Variants in GRID1 observed in about 807,000 individuals in gnomAD.
GRID1 encodes glutamate ionotropic receptor delta type subunit 1.
In GRID1, 28 loss-of-function variants were observed where a neutral mutation model predicts 98.0. That is an observed-to-expected ratio of 0.29 (90% CI 0.21 to 0.39). The LOEUF is 0.39. Ranked by LOEUF, GRID1 falls within the 10% of genes least tolerant of loss-of-function variation. The pLI, the probability that GRID1 is intolerant of heterozygous loss-of-function variation, is 1.00. For synonymous variants in GRID1, 553 were observed against 538.5 expected (o/e 1.03, Z -0.37); for missense variants, 1,111 against 1,340.5 (o/e 0.83, Z 2.67).
chr10:85,822,038 A>G (rs1842777657), intron 8 of GRID1, among the ~76,000 whole-genome samples: 1 of 152,230 alleles, frequency 6.6e-6, no homozygotes, highest in Non-Finnish European at 1.5e-5. Context: ...AAATTAATTC[A>G]AGATGGATCA....
intron 5 of GRID1, among the ~76,000 whole-genome samples, chr10:85,871,714 C>A: frequency 6.6e-6 from 1 of 152,106 alleles, no homozygotes; most frequent in East Asian, 1.9e-4. Context: ...AGATGGTAAA[C>A]AATGTATTTC....
At chr10:85,929,200 TG>T (rs1440025267) in intron 4 of GRID1, among the ~76,000 whole-genome samples, 1 of 152,174 alleles carries the variant, frequency 6.6e-6, no homozygotes, top group Non-Finnish European at 1.5e-5. Flanking sequence ...GAGTCTTTGG[TG>T]TGTGGAGATG....
At chr10:85,716,619 G>A (rs921715942) in intron 12 of GRID1, among the ~76,000 whole-genome samples, 75 of 147,062 alleles carry the variant, frequency 5.1e-4, no homozygotes, top group Admixed American at 3.4e-4. Context: ...CATATATAAC[G>A]TATATAAATG....
chr10:86,144,388 C>G (rs1845054964), intron 3 of GRID1, among the ~76,000 whole-genome samples: 1 of 152,130 alleles, frequency 6.6e-6, no homozygotes, highest in South Asian at 2.1e-4. Context: ...CGCCCCATGA[C>G]AAGGCTGGAC....
At chr10:85,908,410 T>A (rs776277850) in intron 5 of GRID1, among the ~76,000 whole-genome samples, 1 of 152,194 alleles carries the variant, frequency 6.6e-6, no homozygotes, top group Non-Finnish European at 1.5e-5. Context: ...CAACTGGAAA[T>A]TAAAATTTGT....
rs539723502 is a variant in GRID1, at chr10:85,980,514, G to C, written c.727-64275C>G. Among the ~76,000 whole-genome samples, 9 of 152,314 alleles carry C rather than the reference G, an allele frequency of 5.9e-5. No homozygotes were observed. In the South Asian group the frequency reaches 1.9e-3, roughly 32 times the overall value. ...CTGAGCTCTCAACCGCAAATTTCTG[G>C]TTCCCCAAGCTGGGGCTGGGACAGA... On this transcript the variant is annotated intron_variant, in intron 4 of 15. Transcript: ENST00000327946.
chr10:85,684,853 A>G (rs1243135330), intron 12 of GRID1, among the ~76,000 whole-genome samples: 1 of 152,210 alleles, frequency 6.6e-6, no homozygotes, highest in East Asian at 1.9e-4. Context: ...AGACTGCCAT[A>G]TCTTCACTGT....
At chr10:85,966,801 G>C (rs1020342209) in intron 4 of GRID1, among the ~76,000 whole-genome samples, 6 of 150,398 alleles carry the variant, frequency 4.0e-5, no homozygotes, top group African/African-American at 1.5e-4. Context: ...GTGACAGAGT[G>C]AGACTCCACC....
chr10:86,315,972 C>T (rs1847893464), intron 2 of GRID1, among the ~76,000 whole-genome samples: 1 of 152,010 alleles, frequency 6.6e-6, no homozygotes, highest in Non-Finnish European at 1.5e-5. Flanking sequence ...TATCTGTCAA[C>T]CCATCCACTC....
chr10:86,116,438 G>A lies in GRID1; in HGVS notation c.726+22381C>T, dbSNP rs147390750. ...TCCCCAGATGAGCACTCAGGGAGGAGCCCAGGGTGAGAAGCTGCCCTTCCC... is the reference window on the plus strand; with the variant it reads ...TCCCCAGATGAGCACTCAGGGAGGAACCCAGGGTGAGAAGCTGCCCTTCCC... On this transcript the variant is annotated intron_variant, in intron 4 of 15. Transcript: ENST00000327946. Among the ~76,000 whole-genome samples, 563 of 152,278 alleles carry A rather than the reference G, an allele frequency of 3.7e-3. 2 individuals are homozygous for A. Among genetic ancestry groups the A allele is most frequent in the Middle Eastern group, 6.8e-3 (2 of 294 alleles).
chr10:85,914,921 C>T (rs551274310), intron 5 of GRID1, among the ~76,000 whole-genome samples: 1 of 152,254 alleles, frequency 6.6e-6, no homozygotes, highest in South Asian at 2.1e-4. Flanking sequence ...CACAGGCCAC[C>T]CCGGTAGTGC....
chr10:86,003,825 A>G (rs1842828951), intron 4 of GRID1, among the ~76,000 whole-genome samples: 1 of 152,234 alleles, frequency 6.6e-6, no homozygotes, highest in African/African-American at 2.4e-5. Flanking sequence ...ATTTGCCAGG[A>G]TGTGAAAAAT....
chr10:85,947,982 T>C (rs1842074137), intron 4 of GRID1, among the ~76,000 whole-genome samples: 1 of 152,214 alleles, frequency 6.6e-6, no homozygotes, highest in African/African-American at 2.4e-5. Context: ...TGGTATTGCT[T>C]TGCCAGGTTA....
intron 4 of GRID1, among the ~76,000 whole-genome samples, chr10:85,977,781 A>T (rs954160087): frequency 1.3e-5 from 2 of 152,196 alleles, no homozygotes; most frequent in African/African-American, 4.8e-5. Flanking sequence ...GTCACTAGCC[A>T]GTTGAAGACC....
At chr10:86,051,584 C>T (rs889055498) in intron 4 of GRID1, among the ~76,000 whole-genome samples, 2 of 149,986 alleles carry the variant, frequency 1.3e-5, no homozygotes, top group Non-Finnish European at 3.0e-5. Context: ...GGTATAAAAC[C>T]CCTGCTATAA....
rs112054955 is a variant in GRID1, at chr10:85,702,077, T to C, written c.1997+20926A>G. Among the ~76,000 whole-genome samples, 445 of 152,234 alleles carry C rather than the reference T, an allele frequency of 2.9e-3. 4 individuals carry two copies. The highest frequency in any genetic ancestry group is 9.9e-3 in the African/African-American group (410 of 41,554). ...TAAATATATTTACATAATATTGTGTTAAAGATACTAAAGAATATATTGTTA... is the reference window on the plus strand; with the variant it reads ...TAAATATATTTACATAATATTGTGTCAAAGATACTAAAGAATATATTGTTA... On this transcript the variant is annotated intron_variant, in intron 12 of 15. Coordinates refer to ENST00000327946, the MANE Select transcript of GRID1 (RefSeq NM_017551.3).
intron 4 of GRID1, among the ~76,000 whole-genome samples, chr10:86,123,482 A>T (rs72835268): frequency 0.06 from 9,179 of 151,970 alleles, 398 homozygotes; most frequent in South Asian, 0.21. Context: ...CTCTGCACCC[A>T]CCCCCACACC....
At chr10:86,304,965 G>T (rs2492734) in intron 2 of GRID1, among the ~76,000 whole-genome samples, 23,167 of 152,046 alleles carry the variant, frequency 0.15, 2,803 homozygotes, top group African/African-American at 0.33. Flanking sequence ...TAGGCTATGG[G>T]GGCCAGTTAT....
intron 4 of GRID1, among the ~76,000 whole-genome samples, chr10:86,003,672 A>G (rs1842826659): frequency 6.6e-6 from 1 of 152,238 alleles, no homozygotes; most frequent in Non-Finnish European, 1.5e-5. Flanking sequence ...CTCTCTTTCC[A>G]TAAGGGTTTA....
Sources: allele counts gnomAD v4.1 joint callset (sites outside exome capture counted in the v4.1 genomes callset), GRCh38; gene constraint gnomAD v4.1.1; transcripts MANE v1.5; gene names NCBI Gene and HGNC (gene_info 2026-07-23, HGNC 2026-07-21).